C10orf67: variants seen among roughly 807,000 people sequenced by gnomAD.
C10orf67 encodes the protein uncharacterized protein C10orf67, mitochondrial.
C10orf67 carries 60 observed loss-of-function variants against 35.6 expected under a neutral mutation model. That is an observed-to-expected ratio of 1.68 (90% CI 1.37 to 2.09). C10orf67 has a LOEUF of 2.09. Ranked by LOEUF, C10orf67 falls within the 30% of genes most tolerant of loss-of-function variation. The probability of loss-of-function intolerance (pLI) is 0.00; values close to 1 mark genes in which losing one functional copy is unlikely to be tolerated. For synonymous variants in C10orf67, 167 were observed against 115.8 expected (o/e 1.44, Z -2.84); for missense variants, 474 against 330.2 (o/e 1.44, Z -3.38).
chr10:23,297,556 A>G (rs1650008906), intron 5 of C10orf67, among the ~76,000 whole-genome samples: 1 of 152,226 alleles, frequency 6.6e-6, no homozygotes, highest in South Asian at 2.1e-4. Flanking sequence ...GTACTCCATT[A>G]TCACTGACAA....
At chr10:23,252,562 T>C (rs1050804033) in intron 10 of C10orf67, among the ~76,000 whole-genome samples, 4 of 152,194 alleles carry the variant, frequency 2.6e-5, no homozygotes, top group Non-Finnish European at 5.9e-5. Flanking sequence ...TGAGCTAAAG[T>C]AGAGAAGGCA....
intron 7 of C10orf67, among the ~76,000 whole-genome samples, chr10:23,288,531 T>C (rs1843613636): frequency 6.6e-6 from 1 of 152,156 alleles, no homozygotes; most frequent in Non-Finnish European, 1.5e-5. Context: ...CAAACCACCA[T>C]GGCACATATA....
intron 15 of C10orf67, among the ~76,000 whole-genome samples, chr10:23,211,388 C>T (rs1841301058): frequency 6.6e-6 from 1 of 151,736 alleles, no homozygotes; most frequent in Admixed American, 6.6e-5. Flanking sequence ...TCTGCAGAGA[C>T]TCTATTTCTA....
At chr10:23,304,048 C>A (rs1001451724) in intron 4 of C10orf67, among the ~76,000 whole-genome samples, 13 of 152,222 alleles carry the variant, frequency 8.5e-5, no homozygotes, top group African/African-American at 3.1e-4. Flanking sequence ...TTCACCTGTA[C>A]CTCTGGTGAC....
At chr10:23,328,444 C>T (rs1437789331) in intron 2 of C10orf67, among the ~76,000 whole-genome samples, 5 of 152,090 alleles carry the variant, frequency 3.3e-5, no homozygotes, top group African/African-American at 1.2e-4. Flanking sequence ...TCCATAGAAG[C>T]TGGAAGGGGA....
chr10:23,292,433 T>A, intron 5 of C10orf67, among the ~76,000 whole-genome samples: 1 of 152,182 alleles, frequency 6.6e-6, no homozygotes, highest in East Asian at 1.9e-4. Context: ...TTAAAAATAC[T>A]TTTGATCTTA....
intron 15 of C10orf67, among the ~76,000 whole-genome samples, chr10:23,210,792 C>T (rs1841287324): frequency 6.6e-6 from 1 of 152,168 alleles, no homozygotes; most frequent in Non-Finnish European, 1.5e-5. Context: ...CACATTTATA[C>T]ACAAGCCTTG....
At chr10:23,237,222 T>G (rs896697053) in intron 13 of C10orf67, among the ~76,000 whole-genome samples, 1 of 152,212 alleles carries the variant, frequency 6.6e-6, no homozygotes, top group Non-Finnish European at 1.5e-5. Context: ...TCTCGTTCTT[T>G]TTTTATGGCT....
intron 12 of C10orf67, among the ~76,000 whole-genome samples, chr10:23,244,016 C>T (rs2132145914): frequency 6.6e-6 from 1 of 152,292 alleles, no homozygotes; most frequent in African/African-American, 2.4e-5. Flanking sequence ...CTCAGCCTCC[C>T]ATGTAACTGG....
intron 12 of C10orf67, among the ~76,000 whole-genome samples, chr10:23,246,456 GAAAT>G (rs1183403147): frequency 6.6e-6 from 1 of 152,060 alleles, no homozygotes; most frequent in Non-Finnish European, 1.5e-5. Flanking sequence ...TTATTTCTTT[GAAAT>G]AAATAACACA....
At chr10:23,293,727 G>T (rs1843791706) in intron 5 of C10orf67, among the ~76,000 whole-genome samples, 1 of 152,178 alleles carries the variant, frequency 6.6e-6, no homozygotes, top group African/African-American at 2.4e-5. Context: ...GGCTTCAGGT[G>T]GTGGCATATG....
At chr10:23,342,328 T>C (rs538244786) in intron 1 of C10orf67, among the ~76,000 whole-genome samples, 1 of 152,102 alleles carries the variant, frequency 6.6e-6, no homozygotes, top group African/African-American at 2.4e-5. Flanking sequence ...TATTACATAG[T>C]TTACTTGTTT....
At chr10:23,233,620 A>G (rs534168378) in intron 13 of C10orf67, among the ~76,000 whole-genome samples, 1 of 152,362 alleles carries the variant, frequency 6.6e-6, no homozygotes, top group African/African-American at 2.4e-5. Context: ...CTTTCGTGTG[A>G]TAAAAAGAAT....
intron 12 of C10orf67, among the ~76,000 whole-genome samples, chr10:23,241,328 A>G (rs1444123172): frequency 6.6e-6 from 1 of 152,222 alleles, no homozygotes; most frequent in African/African-American, 2.4e-5. Context: ...CCAGAGTCTC[A>G]CCATACCTAA....
chr10:23,212,901 A>G (rs1435211172), intron 15 of C10orf67, among the ~76,000 whole-genome samples: 1 of 152,152 alleles, frequency 6.6e-6, no homozygotes, highest in Admixed American at 6.5e-5. Context: ...ATCAGCTATC[A>G]GAACATGAAT....
chr10:23,309,461 G>T (rs189816530), intron 4 of C10orf67, among the ~76,000 whole-genome samples: 5 of 152,268 alleles, frequency 3.3e-5, no homozygotes, highest in African/African-American at 9.6e-5. Context: ...TTGGGGGATG[G>T]ATATACTAGA....
chr10:23,212,036 G>C (rs1011006504), intron 15 of C10orf67, among the ~76,000 whole-genome samples: 8 of 152,206 alleles, frequency 5.3e-5, no homozygotes, highest in Non-Finnish European at 1.5e-5. Context: ...GGTCTTTGCA[G>C]ATGATCAAAT....
chr10:23,218,427 T>G (rs2132097851), intron 15 of C10orf67, among the ~76,000 whole-genome samples: 1 of 150,206 alleles, frequency 6.7e-6, no homozygotes, highest in Non-Finnish European at 1.5e-5. Context: ...GGATTACAGG[T>G]GTGAGCCACC....
At chr10:23,262,705 C>T (rs532291889) in intron 10 of C10orf67, among the ~76,000 whole-genome samples, 7 of 152,120 alleles carry the variant, frequency 4.6e-5, no homozygotes, top group Admixed American at 1.3e-4. Context: ...AAATATTAAA[C>T]GCTATTTTCA....
Sources: allele counts gnomAD v4.1 joint callset (sites outside exome capture counted in the v4.1 genomes callset), GRCh38; gene constraint gnomAD v4.1.1; transcripts MANE v1.5; gene names NCBI Gene and HGNC (gene_info 2026-07-23, HGNC 2026-07-21).